The following HERPUD1 variants were observed in gnomAD, a reference collection of about 807,000 sequenced individuals.
The protein encoded by HERPUD1 is homocysteine inducible ER protein with ubiquitin like domain 1, also known as homocysteine-responsive endoplasmic reticulum-resident ubiquitin-like domain member 1 protein.
In HERPUD1, 17 loss-of-function variants were observed where a neutral mutation model predicts 45.0. The observed-to-expected ratio is 0.38, with a 90% confidence interval of 0.26 to 0.57. The LOEUF is 0.57. Among genes scored for constraint, HERPUD1 ranks in the 20% least tolerant of loss-of-function variants. HERPUD1 has a pLI of 0.72. For missense variants in HERPUD1, 420 were observed against 490.5 expected, an observed-to-expected ratio of 0.86 and a Z score of 1.36; for synonymous variants, 164 against 177.5, an observed-to-expected ratio of 0.92 and a Z score of 0.61.
Position 56,939,883 on chromosome 16 carries a change from T to C in HERPUD1, c.555-12T>C, listed in dbSNP as rs769687159. On this transcript the variant is annotated splice_polypyrimidine_tract_variant and intron_variant, in intron 5 of 7. Transcript: ENST00000439977. ...GTCTCAACAGTATCTGCCTCTGTCGTTTTTATTTTAGTTTAGCAGCCACTG... is the reference window on the plus strand; with the variant it reads ...GTCTCAACAGTATCTGCCTCTGTCGCTTTTATTTTAGTTTAGCAGCCACTG... The C allele has an allele frequency of 5.6e-6, 9 of 1,602,514 alleles. No homozygotes were observed. The highest frequency in any genetic ancestry group is 7.7e-6 in the Non-Finnish European group (9 of 1,170,468).
Position 56,943,369 on chromosome 16 carries a change from G to A in HERPUD1, c.*79G>A. 1 of 1,485,882 alleles carries A rather than the reference G, an allele frequency of 6.7e-7. No homozygotes were observed. The highest frequency in any genetic ancestry group is 9.4e-7 in the Non-Finnish European group (1 of 1,063,760). 92.0% of individuals were successfully genotyped at this position (1,485,882 alleles called of 1,614,324 possible). A position where few individuals can be genotyped will look rare whatever the true frequency, so the allele number is the denominator to read the frequency against. On this transcript the variant is annotated 3_prime_UTR_variant, in exon 8 of 8. Coordinates refer to ENST00000439977, the MANE Select transcript of HERPUD1 (RefSeq NM_014685.4). ...TGACTCCAGCTAGATTGCCTCTCCT[G>A]GACATGGCAATGATGAGTTTTTAAA...
rs2055897814 is a variant in HERPUD1, at chr16:56,940,086, A to G, written c.746A>G (p.Gln249Arg). ...GANQNLRMNA[Q>R]GGPIVEEDDE... ...AATCAAAATTTGCGGATGAATGCAC[A>G]AGGTGGCCCTATTGTGGAAGAAGAT... Residue 249 changes from glutamine to arginine, a missense_variant, in exon 6 of 8, where the codon CAA (glutamine) becomes CGA (arginine). Gln to Arg is a conservative substitution (Grantham distance 43). Transcript: ENST00000439977. 1 of 1,614,244 alleles carries G rather than the reference A, an allele frequency of 6.2e-7. No individual in the cohort carries two copies. The highest frequency in any genetic ancestry group is 8.5e-7 in the Non-Finnish European group (1 of 1,180,044).
chr16:56,940,999 G>A (rs1490413515), intron 6 of HERPUD1: 7 of 152,092 alleles, frequency 4.6e-5, no homozygotes, highest in Admixed American at 1.3e-4. Flanking sequence ...TGGCACTTTC[G>A]ATACAAGGAA....
chr16:56,943,016 G>C (rs1255888403), intron 7 of HERPUD1, 110 bp from the exon 8 acceptor site: 1 of 1,115,720 alleles, frequency 9.0e-7, no homozygotes, highest in Non-Finnish European at 1.3e-6. Context: ...CTGTGCCTAT[G>C]GGGCAGGGGG....
Position 56,943,310 on chromosome 16 carries a change from G to A in HERPUD1, c.*20G>A. The A allele has an allele frequency of 6.2e-7, 1 of 1,614,062 alleles. No individual in the cohort carries two copies. Among genetic ancestry groups the A allele is most frequent in the South Asian group, 1.1e-5 (1 of 91,088 alleles). On this transcript the variant is annotated 3_prime_UTR_variant, in exon 8 of 8. Coordinates refer to ENST00000439977, the MANE Select transcript of HERPUD1 (RefSeq NM_014685.4). ...AACTGATGGTGTTTGTGCTGTAGCTGTTGGAGGCTTTGACAGGAATGGACT... is the reference window on the plus strand; with the variant it reads ...AACTGATGGTGTTTGTGCTGTAGCTATTGGAGGCTTTGACAGGAATGGACT...
At chr16:56,940,429 C>G in intron 6 of HERPUD1, 184 bp downstream of exon 6, 2 of 570,746 alleles carry the variant, frequency 3.5e-6, no homozygotes, top group Non-Finnish European at 6.2e-6. Flanking sequence ...GCCTCAGCCT[C>G]CTGGGTAGTT....
At chr16:56,934,028 A>T (rs1470583142) in intron 1 of HERPUD1, among the ~76,000 whole-genome samples, 3 of 152,212 alleles carry the variant, frequency 2.0e-5, no homozygotes, top group African/African-American at 4.8e-5. Flanking sequence ...AAAAGTTCTG[A>T]TGTATATGGA....
At chr16:56,938,535 G>T (rs1289972086) in intron 4 of HERPUD1, among the ~76,000 whole-genome samples, 2 of 150,026 alleles carry the variant, frequency 1.3e-5, no homozygotes, top group Non-Finnish European at 3.0e-5. Flanking sequence ...TGCACTCCAG[G>T]CTGGGCAACA....
chr16:56,935,085 T>G, intron 1 of HERPUD1, 150 bp from the exon 2 acceptor site: 1 of 618,154 alleles, frequency 1.6e-6, no homozygotes, highest in Non-Finnish European at 2.9e-6. Flanking sequence ...AATAGAAGTC[T>G]TGTATATGGG....
At chr16:56,941,137 G>A (rs1435368161) in intron 6 of HERPUD1, 1 of 145,508 alleles carries the variant, frequency 6.9e-6, no homozygotes, top group Non-Finnish European at 1.5e-5. Context: ...GCCATACTGA[G>A]GCATGGAACA....
chr16:56,936,642 G>A (rs774729711), intron 3 of HERPUD1, 45 bp from the exon 4 acceptor site: 4 of 1,505,436 alleles, frequency 2.7e-6, no homozygotes, highest in Non-Finnish European at 3.6e-6. Context: ...ATTTCAGACA[G>A]TTGCATCAGC....
chr16:56,943,114 C>T lies in HERPUD1; in HGVS notation c.1012-12C>T. On this transcript the variant is annotated splice_polypyrimidine_tract_variant and intron_variant, in intron 7 of 7. Coordinates refer to ENST00000439977, the MANE Select transcript of HERPUD1 (RefSeq NM_014685.4). The stretch of plus-strand genomic sequence containing the variant: ...TCATTGTTTCATTACCTCATTGTTT[C>T]ATTACCTGTAGGAAGGCACTGATCC... The T allele has an allele frequency of 6.2e-7, 1 of 1,611,848 alleles. No individual in the cohort carries two copies.
intron 7 of HERPUD1, among the ~76,000 whole-genome samples, 164 bp downstream of exon 7, chr16:56,942,401 G>A (rs1004154069): frequency 3.9e-5 from 6 of 152,146 alleles, no homozygotes; most frequent in Admixed American, 3.3e-4. Flanking sequence ...TTAAAACGTC[G>A]AATGTGCCAT....
chr16:56,934,931 C>T (rs1596977412), intron 1 of HERPUD1: 13 of 293,856 alleles, frequency 4.4e-5, no homozygotes, highest in South Asian at 4.3e-4. Flanking sequence ...AGGCTGGTCT[C>T]GAACCCCTGA....
chr16:56,942,055 G>C, intron 6 of HERPUD1, 77 bp from the exon 7 acceptor site: 1 of 1,134,302 alleles, frequency 8.8e-7, no homozygotes, highest in African/African-American at 1.5e-5. Flanking sequence ...TGTGATTAGA[G>C]GTGGGGAGCC....
chr16:56,935,118 G>A (rs535808137), intron 1 of HERPUD1, 117 bp from the exon 2 acceptor site: 31 of 699,270 alleles, frequency 4.4e-5, no homozygotes, highest in East Asian at 3.0e-4. Flanking sequence ...GTGTTTTCCC[G>A]TGATGCTGGG....
At chr16:56,939,491 T>G (rs1243772480) in intron 5 of HERPUD1, 132 bp downstream of exon 5, 1 of 1,198,892 alleles carries the variant, frequency 8.3e-7, no homozygotes, top group African/African-American at 1.5e-5. Flanking sequence ...CCTGCTCTGT[T>G]TGGTCTGTGG....
At position 56,940,120 on chromosome 16, in the gene HERPUD1, A is replaced by G; in HGVS notation, c.780A>G (p.Ile260Met). The G allele has an allele frequency of 6.2e-7, 1 of 1,614,226 alleles. No homozygotes were observed. The highest frequency in any genetic ancestry group is 2.2e-5 in the East Asian group (1 of 44,888). Reference sequence around the variant, plus strand: ...CTATTGTGGAAGAAGATGATGAAATAAATCGAGATTGGTTGGATTGGACCT... The same window carrying G: ...CTATTGTGGAAGAAGATGATGAAATGAATCGAGATTGGTTGGATTGGACCT... Reference protein sequence around the residue: ...GGPIVEEDDEINRDWLDWTYS... With the variant: ...GGPIVEEDDEMNRDWLDWTYS... The change falls in exon 6 of 8, where the codon ATA (isoleucine) becomes ATG (methionine). Residue 260 changes from isoleucine to methionine, a missense_variant. By Grantham distance (10) the Ile-to-Met change is conservative (BLOSUM62 1). Coordinates refer to ENST00000439977, the MANE Select transcript of HERPUD1 (RefSeq NM_014685.4).
At position 56,936,682 on chromosome 16, in the gene HERPUD1, T is replaced by A. The variant is rs1485548865; in HGVS notation, c.301-5T>A. On this transcript the variant is annotated splice_polypyrimidine_tract_variant and splice_region_variant and intron_variant, in intron 3 of 7. Transcript: ENST00000439977. ...TTGTTCTGTGTTCATGTTACACTTA[T>A]TTAGGTGGCTGAATCCACAGAGGAG... 6.2e-7 allele frequency: 1 copy of A among 1,611,622 alleles called. No individual in the cohort carries two copies. The highest frequency in any genetic ancestry group is 1.1e-5 in the South Asian group (1 of 90,686).
Sources: gnomAD v4.1 joint callset for allele counts (sites outside exome capture counted in the v4.1 genomes callset) on GRCh38, gnomAD v4.1.1 for gene constraint, MANE v1.5 for transcripts, NCBI Gene and HGNC (gene_info 2026-07-23, HGNC 2026-07-21) for gene names.